Variants in KCNQ5 observed in about 807,000 individuals in gnomAD.
The protein encoded by KCNQ5 is potassium voltage-gated channel subfamily KQT member 5.
Under a neutral mutation model 98.2 loss-of-function variants are expected in KCNQ5, and 30 were observed. That is an observed-to-expected ratio of 0.31 (90% confidence interval 0.23 to 0.41). KCNQ5 has a LOEUF of 0.41. Among genes scored for constraint, KCNQ5 ranks in the 10% least tolerant of loss-of-function variants. The probability of loss-of-function intolerance (pLI) is 1.00; values close to 1 mark genes in which losing one functional copy is unlikely to be tolerated. For synonymous variants in KCNQ5, 458 were observed against 449.4 expected (o/e 1.02, Z -0.24); for missense variants, 835 against 1,182.5 (o/e 0.71, Z 4.31).
intron 5 of KCNQ5, among the ~76,000 whole-genome samples, chr6:73,103,639 A>T (rs933079897): frequency 1.1e-4 from 16 of 152,036 alleles, no homozygotes; most frequent in South Asian, 6.2e-4. Context: ...TATAATAATT[A>T]AAAAAAATTA....
intron 2 of KCNQ5, among the ~76,000 whole-genome samples, chr6:73,032,035 C>G (rs533381398): frequency 3.9e-5 from 6 of 152,296 alleles, no homozygotes; most frequent in Admixed American, 2.6e-4. Flanking sequence ...GGAAGCCGTA[C>G]TATCTCTTAT....
chr6:72,903,797 G>T (rs1339464325), intron 1 of KCNQ5, among the ~76,000 whole-genome samples: 1 of 152,144 alleles, frequency 6.6e-6, no homozygotes, highest in Non-Finnish European at 1.5e-5. Flanking sequence ...AATAGAATGT[G>T]TATTCTGCAG....
At chr6:72,659,053 C>T (rs749802746) in intron 1 of KCNQ5, among the ~76,000 whole-genome samples, 3 of 152,154 alleles carry the variant, frequency 2.0e-5, no homozygotes, top group Non-Finnish European at 4.4e-5. Context: ...ATTTTTTAAA[C>T]GTCTCCATTA....
At chr6:73,180,781 C>A (rs542620643) in intron 11 of KCNQ5, among the ~76,000 whole-genome samples, 2 of 152,306 alleles carry the variant, frequency 1.3e-5, no homozygotes, top group South Asian at 4.1e-4. Context: ...CAAAGAGCAG[C>A]CAAGCTTGGG....
intron 1 of KCNQ5, among the ~76,000 whole-genome samples, chr6:72,844,355 T>G (rs1776933891): frequency 6.6e-6 from 1 of 152,200 alleles, no homozygotes; most frequent in African/African-American, 2.4e-5. Context: ...TTCTTTGTTT[T>G]TCCCCTTTTC....
At chr6:72,792,315 G>A (rs1006600312) in intron 1 of KCNQ5, among the ~76,000 whole-genome samples, 3 of 152,030 alleles carry the variant, frequency 2.0e-5, no homozygotes, top group African/African-American at 7.2e-5. Context: ...CAAGCTTCTT[G>A]TTTTTTCTGC....
chr6:72,764,283 G>A (rs1772447757), intron 1 of KCNQ5, among the ~76,000 whole-genome samples: 2 of 151,960 alleles, frequency 1.3e-5, no homozygotes, highest in South Asian at 2.1e-4. Flanking sequence ...CAAACTGTAT[G>A]AGACTTTATC....
intron 10 of KCNQ5, among the ~76,000 whole-genome samples, chr6:73,138,541 G>A (rs565325165): frequency 2.6e-5 from 4 of 152,336 alleles, no homozygotes; most frequent in South Asian, 2.1e-4. Flanking sequence ...TAGCATGTTC[G>A]TTCCAGAAGT....
chr6:72,895,584 C>T (rs1461980463), intron 1 of KCNQ5, among the ~76,000 whole-genome samples: 1 of 150,588 alleles, frequency 6.6e-6, no homozygotes. Context: ...TAGTCATTAC[C>T]GTGTACAGTG....
rs947377657 is a variant in KCNQ5 at position 72,643,430 on chromosome 6, T to G, written c.398+20843T>G. On this transcript the variant is annotated intron_variant, in intron 1 of 13. Coordinates refer to ENST00000370398, the MANE Select transcript of KCNQ5 (RefSeq NM_019842.4). Reference sequence around the variant, plus strand: ...CTAAACATCCTCAGTGTGGTGCTGCTGTTCAGCCACATTAAATTCACAGGA... The same window carrying G: ...CTAAACATCCTCAGTGTGGTGCTGCGGTTCAGCCACATTAAATTCACAGGA... Among the ~76,000 whole-genome samples, 3 of 152,156 alleles carry G rather than the reference T, an allele frequency of 2.0e-5. No homozygotes were observed. In the South Asian group the frequency reaches 6.2e-4, roughly 31 times the overall value.
At chr6:72,901,888 A>G (rs1158716453) in intron 1 of KCNQ5, among the ~76,000 whole-genome samples, 1 of 152,080 alleles carries the variant, frequency 6.6e-6, no homozygotes, top group Non-Finnish European at 1.5e-5. Flanking sequence ...GTGAAGAATG[A>G]TGGTGGTATT....
chr6:72,837,952 TC>T (rs1438972461), intron 1 of KCNQ5, among the ~76,000 whole-genome samples: 7 of 152,142 alleles, frequency 4.6e-5, no homozygotes, highest in African/African-American at 1.2e-4. Context: ...GGATTCTTCA[TC>T]CTTTTTTTTA....
intron 1 of KCNQ5, among the ~76,000 whole-genome samples, chr6:72,771,262 T>C (rs1772860578): frequency 6.6e-6 from 1 of 152,068 alleles, no homozygotes; most frequent in Non-Finnish European, 1.5e-5. Flanking sequence ...TCAGACAAGA[T>C]GGAAGGGTAT....
At chr6:73,081,808 C>T (rs928982169) in intron 5 of KCNQ5, among the ~76,000 whole-genome samples, 1 of 152,006 alleles carries the variant, frequency 6.6e-6, no homozygotes, top group Admixed American at 6.6e-5. Context: ...TATAATCTGA[C>T]CATAGCCTCA....
chr6:72,965,958 G>A (rs1019165498), intron 1 of KCNQ5, among the ~76,000 whole-genome samples: 2 of 152,180 alleles, frequency 1.3e-5, no homozygotes, highest in African/African-American at 2.4e-5. Context: ...ACAGAAGAGA[G>A]ATGCCAGTCC....
intron 1 of KCNQ5, among the ~76,000 whole-genome samples, chr6:72,736,690 G>A (rs1380072443): frequency 1.3e-5 from 2 of 149,104 alleles, no homozygotes; most frequent in Non-Finnish European, 3.0e-5. Flanking sequence ...TAGTAGAGAC[G>A]GGGTTTCACC....
intron 11 of KCNQ5, among the ~76,000 whole-genome samples, chr6:73,176,750 G>A (rs1778228023): frequency 6.6e-6 from 1 of 152,190 alleles, no homozygotes; most frequent in South Asian, 2.1e-4. Context: ...GGAGGATGGT[G>A]AGACAGGCTG....
At chr6:72,810,926 C>A (rs977025879) in intron 1 of KCNQ5, among the ~76,000 whole-genome samples, 1 of 152,168 alleles carries the variant, frequency 6.6e-6, no homozygotes, top group East Asian at 1.9e-4. Flanking sequence ...TTTGCCTAAC[C>A]TGGAGATGCT....
chr6:73,016,325 G>C (rs1406329490), intron 2 of KCNQ5, among the ~76,000 whole-genome samples: 1 of 152,016 alleles, frequency 6.6e-6, no homozygotes, highest in African/African-American at 2.4e-5. Flanking sequence ...ACAAGGAAGG[G>C]CAAGAAGATG....
Sources: gnomAD v4.1 joint callset for allele counts (sites outside exome capture counted in the v4.1 genomes callset) on GRCh38, gnomAD v4.1.1 for gene constraint, MANE v1.5 for transcripts, NCBI Gene and HGNC (gene_info 2026-07-23, HGNC 2026-07-21) for gene names.